SH3RF2: variants seen among roughly 807,000 people sequenced by gnomAD.
SH3RF2 encodes SH3 domain containing ring finger 2.
In SH3RF2, 43 loss-of-function variants were observed where a neutral mutation model predicts 59.0. That is an observed-to-expected ratio of 0.73 (90% CI 0.57 to 0.94). SH3RF2 has a LOEUF of 0.94. Ranked by LOEUF, SH3RF2 falls within the 40% of genes least tolerant of loss-of-function variation. The probability of loss-of-function intolerance (pLI) is 0.00; values close to 1 mark genes in which losing one functional copy is unlikely to be tolerated. For synonymous variants in SH3RF2, 391 were observed against 391.5 expected (o/e 1.00, Z 0.01); for missense variants, 930 against 940.1 (o/e 0.99, Z 0.14).
chr5:146,068,921 T>A (rs868664136), intron 9 of SH3RF2, among the ~76,000 whole-genome samples: 19 of 152,152 alleles, frequency 1.2e-4, no homozygotes, highest in Non-Finnish European at 2.4e-4. Context: ...TCAGCTTTTT[T>A]AAAAATAGTA....
chr5:145,995,378 A>G (rs1161747832), intron 2 of SH3RF2, among the ~76,000 whole-genome samples: 2 of 152,226 alleles, frequency 1.3e-5, no homozygotes, highest in South Asian at 2.1e-4. Context: ...AGAAGTATGG[A>G]GGAACAATTA....
chr5:145,962,939 C>CGAGGG (rs1758687833), intron 2 of SH3RF2, among the ~76,000 whole-genome samples: 2 of 145,938 alleles, frequency 1.4e-5, no homozygotes, highest in Non-Finnish European at 3.0e-5. Flanking sequence ...GCTCTGTCGC[C>CGAGGG]CAGGCTGGAG....
chr5:146,042,579 C>T (rs1469101738), intron 5 of SH3RF2, among the ~76,000 whole-genome samples: 2 of 152,192 alleles, frequency 1.3e-5, no homozygotes, highest in African/African-American at 4.8e-5. Context: ...CTAAGTTAGA[C>T]CTCCTCTCTG....
chr5:145,946,415 C>G (rs1050538782), intron 2 of SH3RF2, among the ~76,000 whole-genome samples: 1 of 152,112 alleles, frequency 6.6e-6, no homozygotes, highest in African/African-American at 2.4e-5. Context: ...AATAAATAAA[C>G]ACAATCATGC....
At chr5:146,071,318 T>G (rs1399192157) in intron 9 of SH3RF2, among the ~76,000 whole-genome samples, 1 of 152,158 alleles carries the variant, frequency 6.6e-6, no homozygotes, top group Non-Finnish European at 1.5e-5. Flanking sequence ...AAGGAGAGGG[T>G]AGAGGACTGC....
At chr5:146,047,154 CGTGTGTGT>C (rs35750777) in intron 5 of SH3RF2, among the ~76,000 whole-genome samples, 8 of 148,134 alleles carry the variant, frequency 5.4e-5, no homozygotes, top group African/African-American at 2.0e-4. Flanking sequence ...ATTGGATAGG[CGTGTGTGT>C]GTGTGTGTGT....
chr5:146,061,450 A>G (rs1047891313), intron 9 of SH3RF2, among the ~76,000 whole-genome samples: 1 of 152,196 alleles, frequency 6.6e-6, no homozygotes, highest in Non-Finnish European at 1.5e-5. Flanking sequence ...CCATTACTCC[A>G]AGCTTTTAGA....
chr5:145,962,990 TG>T (rs1010905561), intron 2 of SH3RF2, among the ~76,000 whole-genome samples: 2 of 149,266 alleles, frequency 1.3e-5, no homozygotes, highest in Admixed American at 6.7e-5. Flanking sequence ...CTCTGCCTCC[TG>T]GGTTCACACC....
intron 2 of SH3RF2, among the ~76,000 whole-genome samples, chr5:145,976,871 C>T (rs1460865848): frequency 6.6e-6 from 1 of 152,238 alleles, no homozygotes; most frequent in African/African-American, 2.4e-5. Flanking sequence ...CCTGTTGTTT[C>T]GGTTAGAGCC....
At chr5:145,975,259 A>G (rs929274440) in intron 2 of SH3RF2, among the ~76,000 whole-genome samples, 1 of 152,216 alleles carries the variant, frequency 6.6e-6, no homozygotes, top group Admixed American at 6.5e-5. Flanking sequence ...TAGCCAGTTT[A>G]ACAAAATGGC....
At chr5:145,945,593 G>C (rs1040234995) in intron 2 of SH3RF2, among the ~76,000 whole-genome samples, 4 of 152,114 alleles carry the variant, frequency 2.6e-5, no homozygotes, top group Non-Finnish European at 5.9e-5. Flanking sequence ...AGAAAAGGCA[G>C]GGTCTGTTCT....
rs1425384333 is a variant in SH3RF2, at chr5:146,049,197, C to CCGGGCGAGTCGG, written c.1276_1287dup (p.Gly426_Gly429dup). Reference sequence around the variant, plus strand: ...TGGCTCAGGGGCGTCTCCTTGGTCACCGGGCGAGTCGGCATCTTCCCAAAC... The same window carrying CCGGGCGAGTCGG: ...TGGCTCAGGGGCGTCTCCTTGGTCACCGGGCGAGTCGGCGGGCGAGTCGGCATCTTCCCAAAC... On this transcript the variant is annotated inframe_insertion, in exon 7 of 10. Transcript: ENST00000359120. The CCGGGCGAGTCGG allele has an allele frequency of 6.2e-7, 1 of 1,613,768 alleles. No individual in the cohort carries two copies. Among genetic ancestry groups the CCGGGCGAGTCGG allele is most frequent in the Non-Finnish European group, 8.5e-7 (1 of 1,179,926 alleles).
At chr5:146,078,268 CA>C (rs1026776867) in intron 9 of SH3RF2, among the ~76,000 whole-genome samples, 18 of 152,224 alleles carry the variant, frequency 1.2e-4, no homozygotes, top group African/African-American at 4.3e-4. Flanking sequence ...ACCAAAACAC[CA>C]AAGTTAGCAT....
At chr5:145,993,051 G>T (rs1042567501) in intron 2 of SH3RF2, among the ~76,000 whole-genome samples, 1 of 152,066 alleles carries the variant, frequency 6.6e-6, no homozygotes, top group Non-Finnish European at 1.5e-5. Flanking sequence ...GGCATTGGGT[G>T]AATACAGCCA....
intron 8 of SH3RF2, among the ~76,000 whole-genome samples, 171 bp from the exon 9 acceptor site, chr5:146,059,695 A>G (rs549756086): frequency 5.9e-5 from 9 of 152,308 alleles, no homozygotes; most frequent in African/African-American, 1.9e-4. Context: ...AGCAAACAGC[A>G]CTAAAAAAAG....
Position 145,938,134 on chromosome 5 carries a change from T to C in SH3RF2, c.206T>C (p.Leu69Pro). ...NIEALPANLL[L>P]VRLLDGVRSG... ...GAGGCGCTGCCGGCCAACCTGCTGC[T>C]CGTGCGCCTTCTGGATGGAGTGCGC... The change falls in exon 2 of 10, where the codon CTC becomes CCC. Residue 69 changes from leucine to proline, a missense_variant. Physicochemically the swap from Leu to Pro is moderately conservative, Grantham distance 98. Transcript: ENST00000359120. 3.1e-6 allele frequency: 5 copies of C among 1,614,232 alleles called. No individual in the cohort carries two copies. Among genetic ancestry groups the C allele is most frequent in the Non-Finnish European group, 4.2e-6 (5 of 1,180,034 alleles).
intron 5 of SH3RF2, among the ~76,000 whole-genome samples, chr5:146,036,855 T>A (rs1239839356): frequency 6.6e-6 from 1 of 152,178 alleles, no homozygotes; most frequent in East Asian, 1.9e-4. Flanking sequence ...GTGCCAGGGA[T>A]GGAAGCCTCA....
chr5:145,970,621 G>C (rs1283882452), intron 2 of SH3RF2, among the ~76,000 whole-genome samples: 1 of 152,050 alleles, frequency 6.6e-6, no homozygotes, highest in South Asian at 2.1e-4. Context: ...GCAACAAAAA[G>C]GCCCTTAACA....
At chr5:146,002,597 A>C (rs1257705896) in intron 3 of SH3RF2, among the ~76,000 whole-genome samples, 1 of 152,136 alleles carries the variant, frequency 6.6e-6, no homozygotes, top group East Asian at 1.9e-4. Context: ...CCCCAGGACC[A>C]CCGACCAGTA....
Sources: gnomAD v4.1 joint callset for allele counts (sites outside exome capture counted in the v4.1 genomes callset) on GRCh38, gnomAD v4.1.1 for gene constraint, MANE v1.5 for transcripts, NCBI Gene and HGNC (gene_info 2026-07-23, HGNC 2026-07-21) for gene names.